The following NCR3LG1 variants were observed in gnomAD, a reference collection of about 807,000 sequenced individuals.
NCR3LG1 encodes the protein natural killer cell cytotoxicity receptor 3 ligand 1.
A neutral mutation model predicts 34.8 loss-of-function variants in NCR3LG1; 35 were observed. That is an observed-to-expected ratio of 1.01 (90% CI 0.77 to 1.33). The LOEUF is 1.33. NCR3LG1 is among the 40% of genes most tolerant of loss of function. The pLI is 0.00. For synonymous variants in NCR3LG1, 173 were observed against 163.6 expected (o/e 1.06, Z -0.44); for missense variants, 452 against 423.3 (o/e 1.07, Z -0.60).
chr11:17,366,662 C>T (rs1953347048), intron 2 of NCR3LG1, among the ~76,000 whole-genome samples: 2 of 152,118 alleles, frequency 1.3e-5, no homozygotes, highest in South Asian at 4.2e-4. Context: ...ATGTCAGTAC[C>T]CGGTTGGCAC....
intron 2 of NCR3LG1, among the ~76,000 whole-genome samples, chr11:17,365,912 G>A (rs1336577853): frequency 6.6e-6 from 1 of 152,176 alleles, no homozygotes; most frequent in Non-Finnish European, 1.5e-5. Flanking sequence ...TTCTGCATGA[G>A]GTGATTTGAT....
At chr11:17,361,119 T>G (rs771731644) in intron 2 of NCR3LG1, among the ~76,000 whole-genome samples, 2 of 152,190 alleles carry the variant, frequency 1.3e-5, no homozygotes, top group Non-Finnish European at 2.9e-5. Flanking sequence ...AGTCTGGAAG[T>G]CAGGTAGTGT....
Position 17,355,277 on chromosome 11 carries a change from G to A in NCR3LG1, c.71-1374G>A, listed in dbSNP as rs1418086165. ...CTGAGCATGGTGGCATGTGCCTGTAGTCCCAACTACTTGGGAGGCTGAGAC... is the reference window on the plus strand; with the variant it reads ...CTGAGCATGGTGGCATGTGCCTGTAATCCCAACTACTTGGGAGGCTGAGAC... On this transcript the variant is annotated intron_variant, in intron 1 of 4. Coordinates refer to ENST00000338965, the MANE Select transcript of NCR3LG1 (RefSeq NM_001202439.3). 4.6e-5 allele frequency among the ~76,000 whole-genome samples: 7 copies of A among 152,082 alleles called. No homozygotes were observed. In the East Asian group the frequency reaches 1.3e-3, roughly 29 times the overall value.
chr11:17,357,255 T>C (rs1439235412), intron 2 of NCR3LG1, among the ~76,000 whole-genome samples: 2 of 152,206 alleles, frequency 1.3e-5, no homozygotes, highest in Admixed American at 6.5e-5. Context: ...ATCAGCAGGA[T>C]TGGTTTCTTC....
At position 17,356,651 on chromosome 11, in the gene NCR3LG1, G is replaced by A; in HGVS notation, c.71G>A (p.Gly24Asp). The part of the protein sequence containing the change: ...LILLWALTTE[G>D]DLKVEMMAGG... ...ACATTGTGTCCTCTTATTGCCACAG[G>A]TGATCTGAAAGTAGAGATGATGGCA... is the stretch of plus-strand genomic sequence containing the variant. The change falls in exon 2 of 5, where the codon GGT becomes GAT. Residue 24 changes from glycine to aspartate, a missense_variant and splice_region_variant. Gly to Asp is a moderately conservative substitution (Grantham distance 94). Coordinates refer to ENST00000338965, the MANE Select transcript of NCR3LG1 (RefSeq NM_001202439.3). The A allele has an allele frequency of 6.6e-7, 1 of 1,526,594 alleles. No individual in the cohort carries two copies. The highest frequency in any genetic ancestry group is 1.4e-5 in the African/African-American group (1 of 72,852). 94.6% of individuals were successfully genotyped at this position (1,526,594 alleles called of 1,614,324 possible). A position where few individuals can be genotyped will look rare whatever the true frequency, so the allele number is the denominator to read the frequency against.
intron 3 of NCR3LG1, among the ~76,000 whole-genome samples, chr11:17,368,037 C>T (rs1306809547): frequency 2.0e-5 from 3 of 151,994 alleles, no homozygotes; most frequent in African/African-American, 7.3e-5. Flanking sequence ...AGACTGGTCT[C>T]GAACTCCTGA....
At chr11:17,369,454 T>C (rs1953383777) in intron 4 of NCR3LG1, among the ~76,000 whole-genome samples, 1 of 152,230 alleles carries the variant, frequency 6.6e-6, no homozygotes, top group Non-Finnish European at 1.5e-5. Flanking sequence ...CTAAAACATG[T>C]TTCTAAACAT....
chr11:17,367,445 G>C (rs1465791118), intron 3 of NCR3LG1, 98 bp downstream of exon 3: 1 of 1,041,580 alleles, frequency 9.6e-7, no homozygotes. Flanking sequence ...GGGGACTGAA[G>C]GGGAAACAGA....
chr11:17,356,512 C>A, intron 1 of NCR3LG1, 139 bp from the exon 2 acceptor site: 1 of 639,994 alleles, frequency 1.6e-6, no homozygotes, highest in Non-Finnish European at 2.7e-6. Context: ...TTCCCAAAGG[C>A]CCTGCCTCCA....
chr11:17,352,410 A>G (rs546799278), intron 1 of NCR3LG1, among the ~76,000 whole-genome samples: 1 of 152,088 alleles, frequency 6.6e-6, no homozygotes, highest in African/African-American at 2.4e-5. Flanking sequence ...TCCTTGACCT[A>G]GTGATCCAGC....
chr11:17,362,796 C>T (rs1257622695), intron 2 of NCR3LG1, among the ~76,000 whole-genome samples: 29 of 137,722 alleles, frequency 2.1e-4, no homozygotes, highest in Non-Finnish European at 3.6e-4. Flanking sequence ...TTCTTTCTCT[C>T]TCTTTCTTTC....
chr11:17,355,474 T>C (rs986506133), intron 1 of NCR3LG1, among the ~76,000 whole-genome samples: 7 of 151,960 alleles, frequency 4.6e-5, no homozygotes, highest in Non-Finnish European at 8.8e-5. Context: ...AAAATACTTA[T>C]GAGTAAATTT....
At chr11:17,368,647 GTGT>G (rs1311347099) in intron 3 of NCR3LG1, among the ~76,000 whole-genome samples, 1 of 152,170 alleles carries the variant, frequency 6.6e-6, no homozygotes, top group Non-Finnish European at 1.5e-5. Flanking sequence ...GTGGTACGTG[GTGT>G]TCATCTTCCA....
At chr11:17,364,068 T>C (rs967113094) in intron 2 of NCR3LG1, among the ~76,000 whole-genome samples, 1 of 152,184 alleles carries the variant, frequency 6.6e-6, no homozygotes, top group African/African-American at 2.4e-5. Context: ...TCTGCTCCTT[T>C]CTCTTTTCTT....
In NCR3LG1 at chr11:17,372,008, A is replaced by G; in HGVS notation, c.861A>G (p.Ile287Met). Residue 287 changes from isoleucine to methionine, a missense_variant and splice_region_variant, in exon 5 of 5, where the codon ATA (isoleucine) becomes ATG (methionine). Physicochemically the swap from Ile to Met is conservative, Grantham distance 10. Transcript: ENST00000338965. ...LLIVLIPWKK[I>M]CNKSSSAYTP... ...CCTTTTCTCTCCTCTTTTTCTAGAT[A>G]TGTAACAAATCATCTTCAGCCTATA... 1.4e-6 allele frequency: 1 copy of G among 697,606 alleles called. No individual in the cohort carries two copies. The highest frequency in any genetic ancestry group is 1.5e-5 in the South Asian group (1 of 67,364). The allele number at this position is 697,606 out of a possible 1,614,324, so 43.2% of individuals were successfully genotyped here. A position where few individuals can be genotyped will look rare whatever the true frequency, so the allele number is the denominator to read the frequency against.
intron 2 of NCR3LG1, among the ~76,000 whole-genome samples, chr11:17,359,295 T>A (rs1344758337): frequency 6.6e-6 from 1 of 152,176 alleles, no homozygotes; most frequent in East Asian, 1.9e-4. Context: ...CTATATTACA[T>A]TAAACATTTG....
chr11:17,374,092 A>G lies in NCR3LG1; in HGVS notation c.*1580A>G, dbSNP rs1397442301. On this transcript the variant is annotated 3_prime_UTR_variant, in exon 5 of 5. Transcript: ENST00000338965. ...GCAGTAGCCCTTGAAACACCCCAAT[A>G]TTAGGGGTGCAAAAATCCAATGGGG... The G allele has an allele frequency of 6.6e-6, 1 of 152,122 alleles. No individual in the cohort carries two copies. The highest frequency in any genetic ancestry group is 2.4e-5 in the African/African-American group (1 of 41,430). The allele number at this position is 152,122 out of a possible 1,614,324, so 9.4% of individuals were successfully genotyped here.
intron 1 of NCR3LG1, among the ~76,000 whole-genome samples, chr11:17,352,808 T>G (rs1455630925): frequency 1.3e-5 from 2 of 151,754 alleles, no homozygotes; most frequent in Non-Finnish European, 2.9e-5. Flanking sequence ...TTCTCTTGCT[T>G]TTTTGGGAAC....
chr11:17,356,161 A>C (rs1953202687), intron 1 of NCR3LG1, among the ~76,000 whole-genome samples: 1 of 130,716 alleles, frequency 7.7e-6, no homozygotes, highest in Non-Finnish European at 1.6e-5. Flanking sequence ...TTTTTGAGAC[A>C]GAGTGTCGCT....
Sources: gnomAD v4.1 joint callset for allele counts (sites outside exome capture counted in the v4.1 genomes callset) on GRCh38, gnomAD v4.1.1 for gene constraint, MANE v1.5 for transcripts, NCBI Gene and HGNC (gene_info 2026-07-23, HGNC 2026-07-21) for gene names.